Variants in MCM8 observed in about 807,000 individuals in gnomAD.
MCM8 encodes the protein minichromosome maintenance 8 homologous recombination repair factor, also known as DNA helicase MCM8.
MCM8 carries 85 observed loss-of-function variants against 98.9 expected under a neutral mutation model. The ratio of observed to expected loss-of-function variants is 0.86; its 90% confidence interval spans 0.72 to 1.03. MCM8 has a LOEUF of 1.03. Ranked by LOEUF, MCM8 falls within the 50% of genes least tolerant of loss-of-function variation. MCM8 has a pLI of 0.00. For missense variants in MCM8, 951 were observed against 997.8 expected (o/e 0.95, Z 0.63); for synonymous variants, 352 against 338.6 (o/e 1.04, Z -0.44).
intron 12 of MCM8, among the ~76,000 whole-genome samples, chr20:5,977,453 G>T (rs2089535249): frequency 1.3e-5 from 2 of 152,210 alleles, no homozygotes; most frequent in African/African-American, 2.4e-5. Context: ...TAGCATGTTT[G>T]CTCAGAAGGT....
rs1381259045 is a variant in MCM8 at position 5,993,688 on chromosome 20, A to G, written c.2423A>G (p.Asn808Ser). The change falls in exon 18 of 19, where the codon AAC (asparagine) becomes AGC (serine). Residue 808 changes from asparagine to serine, a missense_variant. Coordinates refer to ENST00000610722, the MANE Select transcript of MCM8 (RefSeq NM_032485.6). ...HQLRQIAKEL[N>S]IQVADFENFI... is the part of the protein sequence containing the mutation. ...CTTCGGCAGATTGCCAAAGAACTAA[A>G]CATTCAGGTATGTTAAACTAGTTAA... is the stretch of plus-strand genomic sequence containing the variant. 4.4e-6 allele frequency: 7 copies of G among 1,599,370 alleles called. No homozygotes were observed. The highest frequency in any genetic ancestry group is 5.1e-6 in the Non-Finnish European group (6 of 1,170,630).
In MCM8 at chr20:5,995,633, C is replaced by T. The variant is rs1217400316; in HGVS notation, c.*1242C>T. 6.6e-6 allele frequency: 1 copy of T among 152,124 alleles called. No homozygotes were observed. The highest frequency in any genetic ancestry group is 1.9e-4 in the East Asian group (1 of 5,204). 9.4% of individuals were successfully genotyped at this position (152,124 alleles called of 1,614,324 possible). A position where few individuals can be genotyped will look rare whatever the true frequency, so the allele number is the denominator to read the frequency against. On this transcript the variant is annotated 3_prime_UTR_variant, in exon 19 of 19. Coordinates refer to ENST00000610722, the MANE Select transcript of MCM8 (RefSeq NM_032485.6). ...ATTGAAAAAGGGTATGTTATATGCC[C>T]CTTTCATAGGCTGCTAGGGAGTTTT...
rs11546316 is a variant in MCM8, at chr20:5,958,543, G to A, written c.606G>A (p.Glu202=). The A allele has an allele frequency of 2.8e-5, 45 of 1,614,004 alleles. No individual in the cohort carries two copies. The East Asian group carries it at 9.8e-4, about 35-fold the overall frequency. Residue 202 remains glutamate, a synonymous_variant, in exon 7 of 19, where the codon GAG becomes GAA. Coordinates refer to ENST00000610722, the MANE Select transcript of MCM8 (RefSeq NM_032485.6). The part of the protein sequence containing the change: ...PHIHARVYNY[E]PLTQLKNVRA... The stretch of plus-strand genomic sequence containing the variant: ...TTGTCTTTAGGGTGTACAACTATGA[G>A]CCTTTGACACAGCTCAAGAATGTCA...
intron 17 of MCM8, among the ~76,000 whole-genome samples, chr20:5,988,490 G>A (rs1252153795): frequency 6.6e-6 from 1 of 151,502 alleles, no homozygotes; most frequent in African/African-American, 2.4e-5. Context: ...AGTGGAAAAA[G>A]TTTCCTCCTA....
At chr20:5,978,262 AT>A (rs1208729661) in intron 13 of MCM8, among the ~76,000 whole-genome samples, 6 of 152,218 alleles carry the variant, frequency 3.9e-5, no homozygotes, top group African/African-American at 1.4e-4. Flanking sequence ...ATATGTAAAA[AT>A]CAAATAAATA....
chr20:5,984,719 C>A, intron 14 of MCM8, 62 bp from the exon 15 acceptor site: 1 of 1,348,358 alleles, frequency 7.4e-7, no homozygotes, highest in Non-Finnish European at 1.0e-6. Flanking sequence ...AGTGAGTAGA[C>A]AGTTTTCTAG....
chr20:5,963,293 G>A lies in MCM8; in HGVS notation c.809G>A (p.Arg270Gln), dbSNP rs765973000. The change falls in exon 8 of 19, where the codon CGA (arginine) becomes CAA (glutamine). Residue 270 changes from arginine to glutamine, a missense_variant. Transcript: ENST00000610722. ...ATTCAGTGTCCTGTGCCTGTGTGTC[G>A]AGGCAGGTCATTTACTGCTCTCCGC... ...LPTKCPVPVCRGRSFTALRSS... is the reference protein window; with the variant it reads ...LPTKCPVPVCQGRSFTALRSS... 6 of 1,613,546 alleles carry A rather than the reference G, an allele frequency of 3.7e-6. No homozygotes were observed. Among genetic ancestry groups the A allele is most frequent in the South Asian group, 3.3e-5 (3 of 91,066 alleles).
chr20:5,969,727 G>A (rs1397035485), intron 10 of MCM8, among the ~76,000 whole-genome samples: 2 of 152,106 alleles, frequency 1.3e-5, no homozygotes, highest in Non-Finnish European at 2.9e-5. Flanking sequence ...GTGCTCCACA[G>A]GGGTTTTTTG....
Position 5,983,165 on chromosome 20 carries a change from A to T in MCM8, c.1733A>T (p.Lys578Ile), listed in dbSNP as rs1221199724. ...NKAKTVSENL[K>I]MGSALLSRFD... ...GCCAAAACAGTTTCTGAGAATTTAA[A>T]GTAAGTCTCTTCAAATATTTATACC... The change falls in exon 14 of 19, where the codon AAA (lysine) becomes ATA (isoleucine). Residue 578 changes from lysine (K) to isoleucine (I), a missense_variant and splice_region_variant. By Grantham distance (102) the Lys-to-Ile change is moderately radical. Transcript: ENST00000610722. The T allele has an allele frequency of 6.2e-7, 1 of 1,608,400 alleles. No individual in the cohort carries two copies.
At position 5,986,023 on chromosome 20, in the gene MCM8, T is replaced by C; in HGVS notation, c.2055T>C (p.Ala685=). ...QYVYPRLSTE[A]ARVLQDFYLE... is the part of the protein sequence containing the mutation. ...TGTACCCAAGGCTATCCACAGAAGCTGCTCGAGTTCTTCAAGATTTTTACC... is the reference window on the plus strand; with the variant it reads ...TGTACCCAAGGCTATCCACAGAAGCCGCTCGAGTTCTTCAAGATTTTTACC... The change falls in exon 16 of 19, where the codon GCT becomes GCC. Residue 685 remains alanine (A), a synonymous_variant. Coordinates refer to ENST00000610722, the MANE Select transcript of MCM8 (RefSeq NM_032485.6). 6.2e-7 allele frequency: 1 copy of C among 1,614,228 alleles called. No homozygotes were observed. Among genetic ancestry groups the C allele is most frequent in the South Asian group, 1.1e-5 (1 of 91,088 alleles).
chr20:5,956,745 A>G (rs773065406), intron 5 of MCM8, among the ~76,000 whole-genome samples: 1 of 152,108 alleles, frequency 6.6e-6, no homozygotes, highest in Non-Finnish European at 1.5e-5. Flanking sequence ...TAGGTATTTT[A>G]AAGGTCATTT....
chr20:5,962,664 G>A lies in MCM8; in HGVS notation c.790-610G>A, dbSNP rs1368495420. On this transcript the variant is annotated intron_variant, in intron 7 of 18. Transcript: ENST00000610722. ...GCTGGGATTACAGGCGTGAGCCACC[G>A]CGCCCGGCCTTCATTTCTTAATGGA... 5.3e-5 allele frequency among the ~76,000 whole-genome samples: 8 copies of A among 151,630 alleles called. 2 individuals are homozygous for A. The highest frequency in any genetic ancestry group is 2.0e-4 in the Admixed American group (3 of 15,248).
intron 8 of MCM8, chr20:5,964,573 T>G (rs1227686348): frequency 1.3e-5 from 2 of 152,196 alleles, no homozygotes; most frequent in Non-Finnish European, 2.9e-5. Context: ...TTCAGTTGAT[T>G]ATTCACAGTC....
rs141935061 is a variant in MCM8 at position 5,984,956 on chromosome 20, G to C, written c.1909G>C (p.Val637Leu). 8 of 1,613,864 alleles carry C rather than the reference G, an allele frequency of 5.0e-6. No individual in the cohort carries two copies. In the African/African-American group the frequency reaches 1.1e-4, roughly 22 times the overall value. ...RMNSQDSNTS[V>L]LEVVSEKPLS... ...GAATAGTCAAGATTCAAATACTTCC[G>C]TACTTGAAGTAGTTTCTGAGAAGCC... The change falls in exon 15 of 19, where the codon GTA becomes CTA. Residue 637 changes from valine (V) to leucine (L), a missense_variant. Physicochemically the swap from Val to Leu is conservative, Grantham distance 32. Coordinates refer to ENST00000610722, the MANE Select transcript of MCM8 (RefSeq NM_032485.6).
chr20:5,967,630 T>C, intron 9 of MCM8, 43 bp downstream of exon 9: 1 of 1,553,270 alleles, frequency 6.4e-7, no homozygotes, highest in Non-Finnish European at 8.8e-7. Flanking sequence ...CAATAATGAT[T>C]CATCAACGTT....
chr20:5,985,801 C>A, intron 15 of MCM8, 121 bp from the exon 16 acceptor site: 1 of 930,010 alleles, frequency 1.1e-6, no homozygotes, highest in Non-Finnish European at 1.6e-6. Flanking sequence ...CCTCCTTGGC[C>A]TCCCAAAGCG....
intron 7 of MCM8, among the ~76,000 whole-genome samples, 180 bp downstream of exon 7, chr20:5,958,906 C>G (rs2089060566): frequency 6.6e-6 from 1 of 152,154 alleles, no homozygotes; most frequent in Non-Finnish European, 1.5e-5. Flanking sequence ...ATAAAACATT[C>G]CACTACTCAT....
At position 5,967,402 on chromosome 20, in the gene MCM8, AG is replaced by A. The variant is rs528648746; in HGVS notation, c.876-33del. 86 of 1,591,046 alleles carry A rather than the reference AG, an allele frequency of 5.4e-5. 1 individual carries two copies. In the African/African-American group the frequency reaches 1.1e-3, roughly 21 times the overall value. ...TATCTTGCAGAAACCATCCAAAGTA[AG>A]TATTCTAACTGAAAACTATTTAAAC... On this transcript the variant is annotated intron_variant, in intron 8 of 18. Coordinates refer to ENST00000610722, the MANE Select transcript of MCM8 (RefSeq NM_032485.6).
At chr20:5,972,231 G>T (rs1238122168) in intron 11 of MCM8, among the ~76,000 whole-genome samples, 194 bp downstream of exon 11, 13 of 151,186 alleles carry the variant, frequency 8.6e-5, no homozygotes, top group African/African-American at 2.9e-4. Flanking sequence ...TTGAGACAGG[G>T]TTTTGCTCTG....
Sources: allele counts gnomAD v4.1 joint callset (sites outside exome capture counted in the v4.1 genomes callset), GRCh38; gene constraint gnomAD v4.1.1; transcripts MANE v1.5; gene names NCBI Gene and HGNC (gene_info 2026-07-23, HGNC 2026-07-21).